MTMR10: variants seen among roughly 807,000 people sequenced by gnomAD.
MTMR10 encodes myotubularin related protein 10, also known as myotubularin-related protein 10.
In MTMR10, 56 loss-of-function variants were observed where a neutral mutation model predicts 88.1. The ratio of observed to expected loss-of-function variants is 0.64; its 90% CI spans 0.51 to 0.79. MTMR10 has a LOEUF of 0.79. Among genes scored for constraint, MTMR10 ranks in the 30% least tolerant of loss-of-function variants. The pLI, the probability that MTMR10 is intolerant of heterozygous loss-of-function variation, is 0.00. For missense variants in MTMR10, 883 were observed against 924.7 expected (o/e 0.95, Z 0.58); for synonymous variants, 380 against 340.9 (o/e 1.11, Z -1.26).
the MTMR10 span, chr15:30,922,426 A>C: frequency 7.0e-7 from 1 of 1,422,834 alleles, no homozygotes; most frequent in East Asian, 2.3e-5. Flanking sequence ...GGCAAACTTA[A>C]TGCCTTAAAA....
In MTMR10 at chr15:30,948,490, GA is replaced by G. The variant is rs1430502805; in HGVS notation, c.1208-20del. On this transcript the variant is annotated intron_variant, in intron 12 of 15. Coordinates refer to ENST00000435680, the MANE Select transcript of MTMR10 (RefSeq NM_017762.3). ...TCCTCCTCTGTTAATAAAATGGAAAGAAAATGATTACAACATAGAAAAATGC... is the reference window on the plus strand; with the variant it reads ...TCCTCCTCTGTTAATAAAATGGAAAGAAATGATTACAACATAGAAAAATGC... The G allele has an allele frequency of 1.9e-6, 3 of 1,579,488 alleles. No individual in the cohort carries two copies. The highest frequency in any genetic ancestry group is 2.6e-6 in the Non-Finnish European group (3 of 1,161,652).
At chr15:30,924,972 C>A in the MTMR10 span, 11 of 731,026 alleles carry the variant, frequency 1.5e-5, no homozygotes, top group South Asian at 2.1e-4. Context: ...AGAATAAGAT[C>A]TAAGGAAACA....
chr15:30,955,076 TATTCC>T (rs920559082), intron 9 of MTMR10, among the ~76,000 whole-genome samples, 183 bp from the exon 10 acceptor site: 108 of 152,140 alleles, frequency 7.1e-4, no homozygotes, highest in African/African-American at 2.5e-3. Flanking sequence ...TTTTAGAGAC[TATTCC>T]ATCAGGTTTC....
At chr15:30,919,822 A>C in the MTMR10 span, among the ~76,000 whole-genome samples, 2 of 152,030 alleles carry the variant, frequency 1.3e-5, no homozygotes, top group Non-Finnish European at 2.9e-5. Flanking sequence ...ACGAGGAGAG[A>C]GAGGAGGGCT....
chr15:30,938,056 C>T (rs373873710), downstream of MTMR10, among the ~76,000 whole-genome samples: 7 of 151,906 alleles, frequency 4.6e-5, no homozygotes, highest in Admixed American at 3.3e-4. Context: ...TGGTGGCACA[C>T]GCCTGTGGTC....
At position 30,941,984 on chromosome 15, in the gene MTMR10, G is replaced by GA; in HGVS notation, c.1819dup (p.Ser607PhefsTer20). The GA allele has an allele frequency of 1.2e-6, 2 of 1,613,992 alleles. No homozygotes were observed. The highest frequency in any genetic ancestry group is 1.7e-6 in the Non-Finnish European group (2 of 1,179,892). ...ATCTGGCTTTGGTTTTAATATCAATGAATTTCTCCTTGGAAGTAATTCTTG... is the reference window on the plus strand; with the variant it reads ...ATCTGGCTTTGGTTTTAATATCAATGAAATTTCTCCTTGGAAGTAATTCTTG... On this transcript the variant is annotated frameshift_variant, in exon 16 of 16. Transcript: ENST00000435680. LOFTEE classifies it low-confidence loss of function (END_TRUNC).
chr15:30,940,627 G>GC lies in MTMR10; in HGVS notation c.*842dup. 3 of 985,928 alleles carry GC rather than the reference G, an allele frequency of 3.0e-6. No individual in the cohort carries two copies. The highest frequency in any genetic ancestry group is 3.6e-6 in the Non-Finnish European group (3 of 830,412). 61.1% of individuals were successfully genotyped at this position (985,928 alleles called of 1,614,324 possible). Reference sequence around the variant, plus strand: ...CATAGATGGCACTCTCCTGTCTACAGCATACACCTCTGTGGAATCAGCACC... The same window carrying GC: ...CATAGATGGCACTCTCCTGTCTACAGCCATACACCTCTGTGGAATCAGCACC... On this transcript the variant is annotated 3_prime_UTR_variant, in exon 16 of 16. Coordinates refer to ENST00000435680, the MANE Select transcript of MTMR10 (RefSeq NM_017762.3).
chr15:30,954,013 T>G (rs1200465512), intron 10 of MTMR10, among the ~76,000 whole-genome samples: 1 of 152,228 alleles, frequency 6.6e-6, no homozygotes, highest in African/African-American at 2.4e-5. Flanking sequence ...CTTGCCCTCC[T>G]GCTTCCCTGC....
At chr15:30,969,007 A>C (rs552860530) in intron 5 of MTMR10, among the ~76,000 whole-genome samples, 14 of 152,288 alleles carry the variant, frequency 9.2e-5, no homozygotes, top group Admixed American at 2.6e-4. Context: ...AAAAGATTAA[A>C]TTTTATTTAG....
At position 30,941,131 on chromosome 15, in the gene MTMR10, C is replaced by T. The variant is rs2140984007; in HGVS notation, c.*339G>A. On this transcript the variant is annotated 3_prime_UTR_variant, in exon 16 of 16. Coordinates refer to ENST00000435680, the MANE Select transcript of MTMR10 (RefSeq NM_017762.3). The stretch of plus-strand genomic sequence containing the variant: ...AATTTCCTAACTTTCCTGTTGTCTG[C>T]TGCCTGGGGCTGCTAATGTGACTGA... The T allele has an allele frequency of 7.9e-7, 1 of 1,267,234 alleles. No homozygotes were observed. The highest frequency in any genetic ancestry group is 1.3e-5 in the South Asian group (1 of 76,450). 78.5% of individuals were successfully genotyped at this position (1,267,234 alleles called of 1,614,324 possible). A position where few individuals can be genotyped will look rare whatever the true frequency, so the allele number is the denominator to read the frequency against.
intron 9 of MTMR10, among the ~76,000 whole-genome samples, chr15:30,955,647 G>GC (rs2063316453): frequency 6.7e-6 from 1 of 148,326 alleles, no homozygotes; most frequent in Non-Finnish European, 1.5e-5. Context: ...ACACTGCCAA[G>GC]GGGGGGGCGG....
intron 6 of MTMR10, among the ~76,000 whole-genome samples, chr15:30,963,368 T>C (rs751147424): frequency 7.9e-5 from 12 of 152,112 alleles, no homozygotes; most frequent in East Asian, 1.9e-4. Flanking sequence ...CGGTGGCTCA[T>C]GCCTGTAATC....
In MTMR10 at chr15:30,941,358, CTAT is replaced by C. The variant is rs1275554881; in HGVS notation, c.*109_*111del. On this transcript the variant is annotated 3_prime_UTR_variant, in exon 16 of 16. Coordinates refer to ENST00000435680, the MANE Select transcript of MTMR10 (RefSeq NM_017762.3). ...TTTTAAATATTAGTGCAAATTCCAACTATTATTCTTACATATAAAGTTATTAGA... is the reference window on the plus strand; with the variant it reads ...TTTTAAATATTAGTGCAAATTCCAACTATTCTTACATATAAAGTTATTAGA... 3 of 1,536,836 alleles carry C rather than the reference CTAT, an allele frequency of 2.0e-6. No homozygotes were observed. Among genetic ancestry groups the C allele is most frequent in the Admixed American group, 4.0e-5 (2 of 50,348 alleles).
chr15:30,937,649 A>G (rs946164267), downstream of MTMR10, among the ~76,000 whole-genome samples: 1 of 151,430 alleles, frequency 6.6e-6, no homozygotes, highest in Non-Finnish European at 1.5e-5. Context: ...ACGGGGTTTC[A>G]CCATGTTGGT....
chr15:30,927,560 C>T, the MTMR10 span: 4,869 of 985,598 alleles, frequency 4.9e-3, 150 homozygotes, highest in African/African-American at 0.068. Context: ...GCTCTCACAG[C>T]ACCCCTGATC....
the MTMR10 span, chr15:30,928,476 G>A: frequency 6.3e-7 from 1 of 1,574,974 alleles, no homozygotes; most frequent in Middle Eastern, 1.8e-4. Flanking sequence ...GGTTATGGTG[G>A]TGTTTTGGAA....
intron 1 of MTMR10, chr15:30,991,176 C>G (rs954060757): frequency 6.3e-6 from 3 of 477,288 alleles, no homozygotes; most frequent in African/African-American, 4.1e-5. Context: ...CCCCAGCTCC[C>G]AAGGCTCCCC....
the MTMR10 span, among the ~76,000 whole-genome samples, chr15:30,929,873 AAT>A: frequency 1.1e-5 from 1 of 93,452 alleles, no homozygotes; most frequent in African/African-American, 4.7e-5. Flanking sequence ...ATATATATAA[AAT>A]ATATAATATA....
At chr15:30,923,393 G>A in the MTMR10 span, among the ~76,000 whole-genome samples, 1 of 152,132 alleles carries the variant, frequency 6.6e-6, no homozygotes, top group Non-Finnish European at 1.5e-5. Context: ...GTTCAAGAGA[G>A]TACAGATTTC....
Sources: allele counts gnomAD v4.1 joint callset (sites outside exome capture counted in the v4.1 genomes callset), GRCh38; gene constraint gnomAD v4.1.1; transcripts MANE v1.5; gene names NCBI Gene and HGNC (gene_info 2026-07-23, HGNC 2026-07-21).